Variants in SMARCB1 observed in about 807,000 individuals in gnomAD.
SMARCB1 encodes SWI/SNF related BAF chromatin remodeling complex subunit B1.
A neutral mutation model predicts 49.0 loss-of-function variants in SMARCB1; 5 were observed. The observed-to-expected ratio is 0.10, with a 90% CI of 0.05 to 0.21. The LOEUF is 0.21. SMARCB1 is among the 10% of genes least tolerant of loss of function. SMARCB1 has a pLI of 1.00. For synonymous variants in SMARCB1, 201 were observed against 200.1 expected, an observed-to-expected ratio of 1.00 and a Z score of -0.04; for missense variants, 226 against 509.2, an observed-to-expected ratio of 0.44 and a Z score of 5.35.
In SMARCB1 at chr22:23,836,108, C is replaced by A; in HGVS notation, c.*1928C>A. The A allele has an allele frequency of 1.0e-6, 1 of 985,486 alleles. No homozygotes were observed. 61.0% of individuals were successfully genotyped at this position (985,486 alleles called of 1,614,324 possible). On this transcript the variant is annotated 3_prime_UTR_variant, in exon 9 of 9. Transcript: ENST00000644036. ...ACAGGGGTCGGATAAGGCTCACACA[C>A]GTCCTCAGCTAAAAAGGGCAGGAAC...
chr22:23,797,233 C>G (rs1251948017), intron 3 of SMARCB1, among the ~76,000 whole-genome samples: 8 of 149,662 alleles, frequency 5.3e-5, no homozygotes, highest in African/African-American at 1.7e-4. Flanking sequence ...CTCCTGACCT[C>G]GTGATCCGCC....
Position 23,791,737 on chromosome 22 carries a change from C to CTTCTTGCT in SMARCB1, c.94-16_94-9dup. On this transcript the variant is annotated intron_variant, in intron 1 of 8. Transcript: ENST00000644036. ...TGGTGCTGCGACCCTTATAATGAGC[C>CTTCTTGCT]TTCTTGCTTTACTCATAGGTGGGAA... is the stretch of plus-strand genomic sequence containing the variant. The CTTCTTGCT allele has an allele frequency of 6.2e-7, 1 of 1,613,238 alleles. No homozygotes were observed. Among genetic ancestry groups the CTTCTTGCT allele is most frequent in the South Asian group, 1.1e-5 (1 of 91,040 alleles).
rs80064300 is a variant in SMARCB1, at chr22:23,835,741, G to A, written c.*1561G>A. The A allele has an allele frequency of 9.0e-4, 884 of 985,472 alleles. 8 individuals carry two copies. In the African/African-American group the frequency reaches 0.014, roughly 16 times the overall value. The allele number at this position is 985,472 out of a possible 1,614,324, so 61.0% of individuals were successfully genotyped here. ...GTTCTGTCCATGAGGTAGGAACCTCGGCAATGAAAGGGTGAGGCAGCCCTG... is the reference window on the plus strand; with the variant it reads ...GTTCTGTCCATGAGGTAGGAACCTCAGCAATGAAAGGGTGAGGCAGCCCTG... On this transcript the variant is annotated 3_prime_UTR_variant, in exon 9 of 9. Coordinates refer to ENST00000644036, the MANE Select transcript of SMARCB1 (RefSeq NM_003073.5).
chr22:23,825,010 G>A (rs918902803), intron 6 of SMARCB1: 6 of 609,190 alleles, frequency 9.8e-6, no homozygotes, highest in African/African-American at 9.2e-5. Context: ...GAGGGTGACT[G>A]TGCTGGGCCC....
At chr22:23,808,325 GT>G (rs922153535) in intron 5 of SMARCB1, among the ~76,000 whole-genome samples, 2 of 152,168 alleles carry the variant, frequency 1.3e-5, no homozygotes, top group Non-Finnish European at 2.9e-5. Flanking sequence ...GTTTCACCGT[GT>G]TAGCCAGGAT....
intron 5 of SMARCB1, chr22:23,803,905 A>C (rs1469612088): frequency 3.4e-5 from 8 of 235,842 alleles, no homozygotes; most frequent in Non-Finnish European, 6.8e-5. Context: ...TGGGCTTCCA[A>C]AGCCTGGACA....
chr22:23,835,089 G>A lies in SMARCB1; in HGVS notation c.*909G>A. ...GCCTGGGCCAGCTCCTGCCTTACAA[G>A]CCAGCTGTGAGGAATATGGGAATAG... On this transcript the variant is annotated 3_prime_UTR_variant, in exon 9 of 9. Coordinates refer to ENST00000644036, the MANE Select transcript of SMARCB1 (RefSeq NM_003073.5). 7.2e-7 allele frequency: 1 copy of A among 1,397,996 alleles called. No individual in the cohort carries two copies. The highest frequency in any genetic ancestry group is 9.3e-7 in the Non-Finnish European group (1 of 1,079,228). 86.6% of individuals were successfully genotyped at this position (1,397,996 alleles called of 1,614,324 possible).
intron 3 of SMARCB1, among the ~76,000 whole-genome samples, chr22:23,800,119 G>C (rs1015492212): frequency 6.6e-6 from 1 of 152,168 alleles, no homozygotes; most frequent in South Asian, 2.1e-4. Flanking sequence ...GTGAGCCACC[G>C]CACCTGGCCT....
In SMARCB1 at chr22:23,812,103, CA is replaced by C. The variant is rs1326987748; in HGVS notation, c.629-4664del. The stretch of plus-strand genomic sequence containing the variant: ...CAAAGTACCACAACTCATCCAATGT[CA>C]AATAGATAATTTGAGTTGCCCTATA... On this transcript the variant is annotated intron_variant, in intron 5 of 8. Transcript: ENST00000644036. Among the ~76,000 whole-genome samples the C allele has an allele frequency of 2.0e-5, 3 of 152,128 alleles. No homozygotes were observed. The East Asian group carries it at 5.8e-4, about 29-fold the overall frequency.
At position 23,834,100 on chromosome 22, in the gene SMARCB1, G is replaced by A. The variant is rs5030613; in HGVS notation, c.1119-41G>A. On this transcript the variant is annotated intron_variant, in intron 8 of 8. Coordinates refer to ENST00000644036, the MANE Select transcript of SMARCB1 (RefSeq NM_003073.5). The stretch of plus-strand genomic sequence containing the variant: ...TTGGGAAGGGCAGCGCCCAGGCTGG[G>A]AGCTGGCCCCGACTCATTGCCCTCC... 214,572 of 1,559,142 alleles carry A rather than the reference G, an allele frequency of 0.14. 16,141 individuals carry two copies. The highest frequency in any genetic ancestry group is 0.27 in the South Asian group (23,274 of 84,662).
chr22:23,837,770 G>T lies in SMARCB1; in HGVS notation c.*3590G>T, dbSNP rs907651530. On this transcript the variant is annotated 3_prime_UTR_variant, in exon 9 of 9. Coordinates refer to ENST00000644036, the MANE Select transcript of SMARCB1 (RefSeq NM_003073.5). The stretch of plus-strand genomic sequence containing the variant: ...AGGCCGAAGAAGTTGACCCTCACCC[G>T]AGGGCTGCGGCGGCTCCACACGTAC... 1 of 1,613,866 alleles carries T rather than the reference G, an allele frequency of 6.2e-7. No individual in the cohort carries two copies. The highest frequency in any genetic ancestry group is 1.3e-5 in the African/African-American group (1 of 74,912).
intron 6 of SMARCB1, among the ~76,000 whole-genome samples, chr22:23,819,952 G>C (rs185848619): frequency 6.6e-6 from 1 of 151,876 alleles, no homozygotes; most frequent in African/African-American, 2.4e-5. Flanking sequence ...TCAGCCTCTC[G>C]AGGAGGAGCT....
At chr22:23,807,012 T>C (rs1929538533) in intron 5 of SMARCB1, among the ~76,000 whole-genome samples, 1 of 151,808 alleles carries the variant, frequency 6.6e-6, no homozygotes, top group South Asian at 2.1e-4. Context: ...TGAAAAGGAC[T>C]TGAAGTAGTG....
chr22:23,834,176 G>T lies in SMARCB1; in HGVS notation c.1154G>T (p.Trp385Leu). The stretch of plus-strand genomic sequence containing the variant: ...CGTCTTGCCAACACGGCCCCGGCCT[G>T]GTAACCAGCCCATCAGCACACGGCT... Reference protein sequence around the residue: ...MRRLANTAPAW With the variant: ...MRRLANTAPAL Residue 385 changes from tryptophan (W) to leucine (L), a missense_variant, in exon 9 of 9, where the codon TGG becomes TTG. Around this residue, in one of 6 missense-constraint regions of SMARCB1, gnomAD observed 15 missense variants for 17.0 expected, o/e 0.88. Coordinates refer to ENST00000644036, the MANE Select transcript of SMARCB1 (RefSeq NM_003073.5). 1 of 1,590,992 alleles carries T rather than the reference G, an allele frequency of 6.3e-7. No homozygotes were observed. Among genetic ancestry groups the T allele is most frequent in the Non-Finnish European group, 8.6e-7 (1 of 1,168,966 alleles).
chr22:23,833,757 G>T, intron 8 of SMARCB1, 54 bp downstream of exon 8: 1 of 1,603,208 alleles, frequency 6.2e-7, no homozygotes, highest in South Asian at 1.1e-5. Context: ...GGCTTTCCAG[G>T]CAGAGGCAGG....
chr22:23,808,956 C>T (rs1340941287), intron 5 of SMARCB1, among the ~76,000 whole-genome samples: 3 of 151,774 alleles, frequency 2.0e-5, no homozygotes, highest in Non-Finnish European at 2.9e-5. Flanking sequence ...CCTCGGCCTC[C>T]TAAAGTGCTG....
intron 6 of SMARCB1, among the ~76,000 whole-genome samples, chr22:23,822,411 C>T (rs17003972): frequency 0.12 from 18,793 of 152,138 alleles, 1,245 homozygotes; most frequent in South Asian, 0.27. Flanking sequence ...GTCCTGGCCC[C>T]GTCTTAGCTC....
chr22:23,833,807 A>C, intron 8 of SMARCB1, 104 bp downstream of exon 8: 1 of 1,325,236 alleles, frequency 7.5e-7, no homozygotes, highest in Admixed American at 1.7e-5. Flanking sequence ...TCTGAGACAG[A>C]GTACCTCTAG....
In SMARCB1 at chr22:23,836,693, G is replaced by A. The variant is rs899062136; in HGVS notation, c.*2513G>A. ...GACGGGGCAGGCATAGAAGGATGTG[G>A]CCAGGTGAGATGGGGAAGCCAGTGC... On this transcript the variant is annotated 3_prime_UTR_variant, in exon 9 of 9. Coordinates refer to ENST00000644036, the MANE Select transcript of SMARCB1 (RefSeq NM_003073.5). The A allele has an allele frequency of 6.0e-6, 8 of 1,322,644 alleles. No individual in the cohort carries two copies. The African/African-American group carries it at 1.2e-4, about 20-fold the overall frequency. The allele number at this position is 1,322,644 out of a possible 1,614,324, so 81.9% of individuals were successfully genotyped here.
Sources: allele counts gnomAD v4.1 joint callset (sites outside exome capture counted in the v4.1 genomes callset), GRCh38; gene constraint gnomAD v4.1.1; regional missense constraint gnomAD v4.1.1; transcripts MANE v1.5; gene names NCBI Gene and HGNC (gene_info 2026-07-23, HGNC 2026-07-21).